The following NEK10 variants were observed in gnomAD, a reference collection of about 807,000 sequenced individuals.
The protein encoded by NEK10 is serine/threonine-protein kinase Nek10.
NEK10 carries 122 observed loss-of-function variants against 159.8 expected under a neutral mutation model. The ratio of observed to expected loss-of-function variants is 0.76; its 90% CI spans 0.66 to 0.89. NEK10 has a LOEUF of 0.89. Among genes scored for constraint, NEK10 ranks in the 40% least tolerant of loss-of-function variants. NEK10 has a pLI of 0.00. For synonymous variants in NEK10, 466 were observed against 457.1 expected (o/e 1.02, Z -0.25); for missense variants, 1,342 against 1,323.1 (o/e 1.01, Z -0.22).
intron 23 of NEK10, chr3:27,215,931 A>T (rs1951481096): frequency 1.6e-6 from 1 of 622,066 alleles, no homozygotes; most frequent in East Asian, 2.9e-5. Flanking sequence ...AACAGCACCA[A>T]GGGAGAAATT....
rs781667676 is a variant in NEK10, at chr3:27,192,029, G to T, written c.2505C>A (p.His835Gln). The change falls in exon 26 of 36, where the codon CAC becomes CAA. Residue 835 changes from histidine (H) to glutamine (Q), a missense_variant and splice_region_variant. Physicochemically the swap from His to Gln is conservative, Grantham distance 24 (BLOSUM62 0). Transcript: ENST00000691995. ...AACCGATTGAAATATTTGCACTTAC[G>T]TGAGATAGAACAGCCAGCTCATGGT... ...TCHHELAVLS[H>Q]ETFEKASLSS... 2 of 1,613,796 alleles carry T rather than the reference G, an allele frequency of 1.2e-6. No homozygotes were observed. Among genetic ancestry groups the T allele is most frequent in the African/African-American group, 2.7e-5 (2 of 74,916 alleles).
At chr3:27,365,198 T>G (rs1156379890) in intron 1 of NEK10, among the ~76,000 whole-genome samples, 2 of 152,252 alleles carry the variant, frequency 1.3e-5, no homozygotes, top group African/African-American at 4.8e-5. Context: ...CAAAATATAC[T>G]AACTACTGTG....
intron 26 of NEK10, among the ~76,000 whole-genome samples, chr3:27,189,568 C>A (rs1948936628): frequency 6.6e-6 from 1 of 151,882 alleles, no homozygotes. Flanking sequence ...CATAATACTG[C>A]TTAAGAAAAA....
At chr3:27,129,443 G>A (rs1942360064) in intron 32 of NEK10, among the ~76,000 whole-genome samples, 1 of 151,950 alleles carries the variant, frequency 6.6e-6, no homozygotes, top group African/African-American at 2.4e-5. Flanking sequence ...AAGGCTAATT[G>A]GCCACTCCTC....
At position 27,290,835 on chromosome 3, in the gene NEK10, C is replaced by G. The variant is rs142892361; in HGVS notation, c.1606-81G>C. On this transcript the variant is annotated intron_variant, in intron 18 of 35. Transcript: ENST00000691995. Reference sequence around the variant, plus strand: ...AGAGAAAGAGGAAGAAAGAGATAGACTAACAAAGTCACATGAGTAACTAAG... The same window carrying G: ...AGAGAAAGAGGAAGAAAGAGATAGAGTAACAAAGTCACATGAGTAACTAAG... 5.0e-5 allele frequency: 54 copies of G among 1,082,994 alleles called. 2 individuals are homozygous for G. In the Middle Eastern group the frequency reaches 2.0e-3, roughly 40 times the overall value. 67.1% of individuals were successfully genotyped at this position (1,082,994 alleles called of 1,614,324 possible). A position where few individuals can be genotyped will look rare whatever the true frequency, so the allele number is the denominator to read the frequency against.
chr3:27,296,229 T>C (rs1306242635), intron 14 of NEK10, among the ~76,000 whole-genome samples: 1 of 152,214 alleles, frequency 6.6e-6, no homozygotes, highest in Non-Finnish European at 1.5e-5. Context: ...CTTTACTGTG[T>C]GCAGGCATTC....
intron 35 of NEK10, among the ~76,000 whole-genome samples, chr3:27,115,539 C>T (rs183838281): frequency 5.0e-4 from 76 of 152,244 alleles, no homozygotes; most frequent in African/African-American, 1.8e-3. Flanking sequence ...TTCAGTTGCA[C>T]TTTGTCCCTA....
chr3:27,116,427 G>C (rs1195317182), intron 33 of NEK10, among the ~76,000 whole-genome samples: 3 of 152,100 alleles, frequency 2.0e-5, no homozygotes, highest in Non-Finnish European at 4.4e-5. Flanking sequence ...TTAAGGGCAA[G>C]TGAGGGGTGA....
chr3:27,204,275 CTTTTTT>C (rs1203026508), intron 23 of NEK10, among the ~76,000 whole-genome samples: 5 of 64,006 alleles, frequency 7.8e-5, no homozygotes, highest in African/African-American at 2.8e-4. Context: ...GATAAATTTT[CTTTTTT>C]TTTTTTTTTT....
At chr3:27,260,004 G>A (rs1437614242) in intron 22 of NEK10, among the ~76,000 whole-genome samples, 2 of 152,176 alleles carry the variant, frequency 1.3e-5, no homozygotes, top group Non-Finnish European at 2.9e-5. Context: ...GTTCACTCAT[G>A]ATTTGGCTCT....
At chr3:27,279,899 G>A (rs934974886) in intron 22 of NEK10, among the ~76,000 whole-genome samples, 83 of 152,212 alleles carry the variant, frequency 5.5e-4, no homozygotes, top group African/African-American at 1.8e-3. Flanking sequence ...GCCGAGCGCG[G>A]TGGCTCACGC....
intron 13 of NEK10, 82 bp from the exon 14 acceptor site, chr3:27,297,322 AT>A (rs2043433063): frequency 7.9e-6 from 7 of 885,538 alleles, no homozygotes; most frequent in Non-Finnish European, 1.8e-6. Context: ...TCCACAGGGT[AT>A]TTTTATTATT....
chr3:27,223,000 T>C (rs1361663826), intron 23 of NEK10, among the ~76,000 whole-genome samples: 1 of 152,180 alleles, frequency 6.6e-6, no homozygotes, highest in Non-Finnish European at 1.5e-5. Context: ...AAGCTATTAC[T>C]ATAAATTACT....
chr3:27,283,683 A>G (rs184107240), intron 22 of NEK10, among the ~76,000 whole-genome samples: 3 of 152,360 alleles, frequency 2.0e-5, no homozygotes, highest in African/African-American at 7.2e-5. Context: ...TAAGAATTCA[A>G]CAACTGGGAG....
intron 23 of NEK10, chr3:27,214,872 C>T (rs1259827329): frequency 2.5e-6 from 3 of 1,222,946 alleles, no homozygotes; most frequent in African/African-American, 1.5e-5. Flanking sequence ...TAAGCCATTC[C>T]TAATCCCATG....
intron 26 of NEK10, among the ~76,000 whole-genome samples, chr3:27,176,157 A>C (rs896372958): frequency 5.9e-5 from 9 of 152,152 alleles, no homozygotes; most frequent in Non-Finnish European, 1.2e-4. Context: ...AAATACAAAA[A>C]ACATTTGTGC....
chr3:27,346,887 ACTTCACTATG>A (rs1366149352), intron 3 of NEK10, among the ~76,000 whole-genome samples: 1 of 152,190 alleles, frequency 6.6e-6, no homozygotes, highest in Non-Finnish European at 1.5e-5. Context: ...AACTACAACA[ACTTCACTATG>A]CTTCACTTGC....
rs2044743067 is a variant in NEK10, at chr3:27,312,088, A to G, written c.568+11T>C. ...CCACAAAAATGGCTGTGTCCCTGCA[A>G]TAACACTTACATGTCATGTTGACCA... On this transcript the variant is annotated intron_variant, in intron 8 of 35. Transcript: ENST00000691995. 6.3e-7 allele frequency: 1 copy of G among 1,597,170 alleles called. No homozygotes were observed. The highest frequency in any genetic ancestry group is 1.1e-5 in the South Asian group (1 of 90,244).
rs544051566 is a variant in NEK10 at position 27,302,417 on chromosome 3, A to T, written c.1029-582T>A. The stretch of plus-strand genomic sequence containing the variant: ...TCCATTTTTTTCTGGTGATCTAGCA[A>T]TTTATCGGTTCTGTAGGTGTTATTC... On this transcript the variant is annotated intron_variant, in intron 12 of 35. Transcript: ENST00000691995. Among the ~76,000 whole-genome samples the T allele has an allele frequency of 4.2e-4, 63 of 151,392 alleles. 1 individual carries two copies. The South Asian group carries it at 0.012, about 29-fold the overall frequency.
Sources: gnomAD v4.1 joint callset for allele counts (sites outside exome capture counted in the v4.1 genomes callset) on GRCh38, gnomAD v4.1.1 for gene constraint, MANE v1.5 for transcripts, NCBI Gene and HGNC (gene_info 2026-07-23, HGNC 2026-07-21) for gene names.